Variants in ARL6IP6 observed in about 807,000 individuals in gnomAD.
The protein encoded by ARL6IP6 is ARF like GTPase 6 interacting protein 6.
A neutral mutation model predicts 21.5 loss-of-function variants in ARL6IP6; 22 were observed. The observed-to-expected ratio is 1.02, with a 90% confidence interval of 0.73 to 1.46. The LOEUF (loss-of-function observed/expected upper bound fraction) is 1.46, where lower values mean the gene tolerates loss of function less well. ARL6IP6 is among the 40% of genes most tolerant of loss of function. The pLI, the probability that ARL6IP6 is intolerant of heterozygous loss-of-function variation, is 0.00. For missense variants in ARL6IP6, 388 were observed against 299.8 expected, an observed-to-expected ratio of 1.29 and a Z score of -2.17; for synonymous variants, 164 against 125.3, an observed-to-expected ratio of 1.31 and a Z score of -2.06.
chr2:152,750,858 G>A (rs1183365355), intron 3 of ARL6IP6, among the ~76,000 whole-genome samples: 1 of 152,210 alleles, frequency 6.6e-6, no homozygotes, highest in African/African-American at 2.4e-5. Flanking sequence ...GAGAATGTCA[G>A]CAACTTAGAA....
upstream of ARL6IP6, chr2:152,718,513 T>C (rs183959972): frequency 2.3e-3 from 3,337 of 1,440,532 alleles, 13 homozygotes; most frequent in Middle Eastern, 0.016. Flanking sequence ...GGTTTACCCC[T>C]GGGCTCTGAG....
At chr2:152,729,394 A>G (rs1487696852) in intron 2 of ARL6IP6, among the ~76,000 whole-genome samples, 2 of 152,158 alleles carry the variant, frequency 1.3e-5, no homozygotes, top group Non-Finnish European at 2.9e-5. Flanking sequence ...CATTTCATCA[A>G]CTGATGAATA....
At chr2:152,734,732 A>G (rs893522041) in intron 2 of ARL6IP6, among the ~76,000 whole-genome samples, 1 of 152,150 alleles carries the variant, frequency 6.6e-6, no homozygotes, top group South Asian at 2.1e-4. Context: ...TGAAGATGTT[A>G]TGTTCTTGTT....
intron 2 of ARL6IP6, among the ~76,000 whole-genome samples, chr2:152,734,152 C>T (rs1207928859): frequency 1.6e-4 from 25 of 152,030 alleles, no homozygotes; most frequent in Admixed American, 1.6e-3. Context: ...CTTTCTTTTC[C>T]CTTTATGCCT....
At position 152,726,114 on chromosome 2, in the gene ARL6IP6, G is replaced by T. The variant is rs367997737; in HGVS notation, c.454+5528G>T. 4.0e-5 allele frequency among the ~76,000 whole-genome samples: 6 copies of T among 151,644 alleles called. No individual in the cohort carries two copies. The East Asian group carries it at 1.2e-3, about 29-fold the overall frequency. Reference sequence around the variant, plus strand: ...TATATACTTCTCTCAACTTTTTCCTGTGTTTGAAATGATCTGTAATAAAAG... The same window carrying T: ...TATATACTTCTCTCAACTTTTTCCTTTGTTTGAAATGATCTGTAATAAAAG... On this transcript the variant is annotated intron_variant, in intron 2 of 3. Transcript: ENST00000326446.
At chr2:152,743,388 G>A (rs191310844) in intron 3 of ARL6IP6, among the ~76,000 whole-genome samples, 87 of 152,246 alleles carry the variant, frequency 5.7e-4, no homozygotes, top group Non-Finnish European at 8.8e-4. Flanking sequence ...TAGATCAAAC[G>A]TCAAATTTAA....
intron 3 of ARL6IP6, among the ~76,000 whole-genome samples, chr2:152,748,833 G>A (rs1701179607): frequency 6.6e-6 from 1 of 152,206 alleles, no homozygotes; most frequent in Non-Finnish European, 1.5e-5. Flanking sequence ...TTCTAACAGA[G>A]TGGAGTCTGG....
At chr2:152,717,734 G>C, upstream of ARL6IP6, 4 of 1,332,108 alleles carry the variant, frequency 3.0e-6, no homozygotes, top group Non-Finnish European at 3.9e-6. Flanking sequence ...CAGTGTCCCA[G>C]CTTCCCGAGC....
In ARL6IP6 at chr2:152,761,569, C is replaced by G. The variant is rs973655381; in HGVS notation, c.*1729C>G. On this transcript the variant is annotated 3_prime_UTR_variant, in exon 4 of 4. Coordinates refer to ENST00000326446, the MANE Select transcript of ARL6IP6 (RefSeq NM_152522.7). Reference sequence around the variant, plus strand: ...TATGTACACCCTAGACAGTCATGTGCCATATAACAACGTTTTGGTCACAAC... The same window carrying G: ...TATGTACACCCTAGACAGTCATGTGGCATATAACAACGTTTTGGTCACAAC... 6.6e-6 allele frequency among the ~76,000 whole-genome samples: 1 copy of G among 152,152 alleles called. No homozygotes were observed. Among genetic ancestry groups the G allele is most frequent in the Admixed American group, 6.6e-5 (1 of 15,266 alleles).
intron 2 of ARL6IP6, among the ~76,000 whole-genome samples, chr2:152,734,024 T>C (rs1293752037): frequency 2.0e-5 from 3 of 152,226 alleles, no homozygotes; most frequent in Admixed American, 2.0e-4. Context: ...TAAAGGGAGT[T>C]GACCACTTAA....
At chr2:152,724,509 A>G (rs1699943692) in intron 2 of ARL6IP6, among the ~76,000 whole-genome samples, 1 of 152,240 alleles carries the variant, frequency 6.6e-6, no homozygotes, top group Non-Finnish European at 1.5e-5. Flanking sequence ...GTTATCAGCA[A>G]GAATTAGCCA....
intron 3 of ARL6IP6, among the ~76,000 whole-genome samples, chr2:152,744,532 A>G (rs745408971): frequency 6.6e-6 from 1 of 152,154 alleles, no homozygotes; most frequent in Non-Finnish European, 1.5e-5. Context: ...ATTTCTAGGC[A>G]TATGCCAAGG....
intron 3 of ARL6IP6, among the ~76,000 whole-genome samples, chr2:152,738,789 G>A (rs1700667146): frequency 6.6e-6 from 1 of 152,096 alleles, no homozygotes; most frequent in Admixed American, 6.5e-5. Flanking sequence ...TTTCCCCATT[G>A]TCTTGGCAAT....
intron 3 of ARL6IP6, among the ~76,000 whole-genome samples, chr2:152,744,684 G>A (rs1426904201): frequency 6.6e-6 from 1 of 152,176 alleles, no homozygotes; most frequent in East Asian, 1.9e-4. Flanking sequence ...TTTATTGTCT[G>A]ATCACTATGA....
Position 152,735,052 on chromosome 2 carries a change from T to C in ARL6IP6, c.513T>C (p.Ser171=). Residue 171 remains serine (S), a synonymous_variant, in exon 3 of 4, where the codon TCT becomes TCC. Transcript: ENST00000326446. ...LTAGFSCCSF[S]WTVTYFDSFE... ...CTGGATTCTCCTGTTGCAGCTTTTCTTGGACAGTGACTTACTTTGATTCTT... is the reference window on the plus strand; with the variant it reads ...CTGGATTCTCCTGTTGCAGCTTTTCCTGGACAGTGACTTACTTTGATTCTT... The C allele has an allele frequency of 6.2e-7, 1 of 1,613,556 alleles. No homozygotes were observed.
chr2:152,731,739 C>G (rs1224071574), intron 2 of ARL6IP6, among the ~76,000 whole-genome samples: 3 of 152,128 alleles, frequency 2.0e-5, no homozygotes, highest in African/African-American at 7.2e-5. Context: ...ACCACTCTTT[C>G]CTCCCTCCTC....
chr2:152,761,665 G>T lies in ARL6IP6; in HGVS notation c.*1825G>T, dbSNP rs1701853025. Among the ~76,000 whole-genome samples the T allele has an allele frequency of 1.3e-5, 2 of 152,052 alleles. No homozygotes were observed. The highest frequency in any genetic ancestry group is 6.6e-5 in the Admixed American group (1 of 15,258). ...GCATTTTTTACTTTATTTTTTCTCT[G>T]TTTAGATACACAAATATTTACCATT... On this transcript the variant is annotated 3_prime_UTR_variant, in exon 4 of 4. Transcript: ENST00000326446.
At chr2:152,735,253 C>T (rs1378174449) in intron 3 of ARL6IP6, 127 bp downstream of exon 3, 3 of 888,040 alleles carry the variant, frequency 3.4e-6, no homozygotes, top group East Asian at 5.1e-5. Context: ...GCACTAATAA[C>T]AGGACTTTTC....
chr2:152,718,643 G>T lies in ARL6IP6; in HGVS notation c.19G>T (p.Gly7Trp), dbSNP rs549156054. The T allele has an allele frequency of 1.9e-6, 3 of 1,544,688 alleles. No homozygotes were observed. The highest frequency in any genetic ancestry group is 2.6e-6 in the Non-Finnish European group (3 of 1,144,606). The change falls in exon 1 of 4, where the codon GGG becomes TGG. Residue 7 changes from glycine to tryptophan, a missense_variant. Coordinates refer to ENST00000326446, the MANE Select transcript of ARL6IP6 (RefSeq NM_152522.7). The stretch of plus-strand genomic sequence containing the variant: ...TCGCGCCATGTCGTTTGCTGAGAGC[G>T]GGTGGCGGTCGGCTCTGCGGCGCCG... Reference protein sequence around the residue: MSFAESGWRSALRRRGP... With the variant: MSFAESWWRSALRRRGP...
Sources: gnomAD v4.1 joint callset for allele counts (sites outside exome capture counted in the v4.1 genomes callset) on GRCh38, gnomAD v4.1.1 for gene constraint, MANE v1.5 for transcripts, NCBI Gene and HGNC (gene_info 2026-07-23, HGNC 2026-07-21) for gene names.